The following ACADL variants were observed in gnomAD, a reference collection of about 807,000 sequenced individuals.
The protein encoded by ACADL is long-chain specific acyl-CoA dehydrogenase, mitochondrial.
Under a neutral mutation model 56.9 loss-of-function variants are expected in ACADL, and 60 were observed. The ratio of observed to expected loss-of-function variants is 1.05; its 90% CI spans 0.86 to 1.31. ACADL has a LOEUF of 1.31. Among genes scored for constraint, ACADL ranks in the 50% most tolerant of loss-of-function variants. The pLI is 0.00. For missense variants in ACADL, 484 were observed against 525.5 expected (o/e 0.92, Z 0.77); for synonymous variants, 158 against 179.7 (o/e 0.88, Z 0.97).
intron 10 of ACADL, among the ~76,000 whole-genome samples, chr2:210,192,461 A>T (rs1688648802): frequency 6.6e-6 from 1 of 152,114 alleles, no homozygotes; most frequent in South Asian, 2.1e-4. Flanking sequence ...CTGTACTCCA[A>T]CCTGGGTGAC....
At chr2:210,200,557 T>A (rs1688775586) in intron 8 of ACADL, among the ~76,000 whole-genome samples, 1 of 152,176 alleles carries the variant, frequency 6.6e-6, no homozygotes, top group Non-Finnish European at 1.5e-5. Flanking sequence ...AAGTATAACA[T>A]CCTTGCTCTT....
Position 210,195,210 on chromosome 2 carries a change from C to A in ACADL, c.1112+1G>T, listed in dbSNP as rs748924567. On this transcript the variant is annotated splice_donor_variant, in intron 9 of 10. Coordinates refer to ENST00000233710, the MANE Select transcript of ACADL (RefSeq NM_001608.4). LOFTEE classifies it high-confidence loss of function. ...CACTCTAATTACTGTAGCATGCATA[C>A]CAATATTTCGCCATGCAAGCAGTGG... 4.1e-5 allele frequency: 66 copies of A among 1,613,794 alleles called. No homozygotes were observed. The highest frequency in any genetic ancestry group is 5.6e-5 in the Non-Finnish European group (66 of 1,179,854).
At chr2:210,193,006 A>G in intron 9 of ACADL, 116 bp from the exon 10 acceptor site, 1 of 758,300 alleles carries the variant, frequency 1.3e-6, no homozygotes, top group East Asian at 2.7e-5. Flanking sequence ...TTTATTAAGC[A>G]ATTAGAACGG....
chr2:210,194,947 A>G (rs1688684121), intron 9 of ACADL, among the ~76,000 whole-genome samples: 1 of 152,116 alleles, frequency 6.6e-6, no homozygotes, highest in Non-Finnish European at 1.5e-5. Flanking sequence ...TTAATATTTT[A>G]TTTTCAATAG....
intron 1 of ACADL, among the ~76,000 whole-genome samples, chr2:210,223,587 T>A (rs1689213174): frequency 6.6e-6 from 1 of 152,206 alleles, no homozygotes; most frequent in South Asian, 2.1e-4. Flanking sequence ...GTCTCCCTTT[T>A]TCCAGTGTTC....
rs746996155 is a variant in ACADL at position 210,195,255 on chromosome 2, T to C, written c.1068A>G (p.Glu356=). ...AFVDNCLQLH[E]AKRLDSATAC... is the part of the protein sequence containing the mutation. ...CAGTGGCGGAGTCCAAACGTTTCGC[T>C]TCATGCAGCTGGAGACAGTTGTCCA... Residue 356 remains glutamate, a synonymous_variant, in exon 9 of 11, where the codon GAA becomes GAG. Transcript: ENST00000233710. The C allele has an allele frequency of 1.2e-6, 2 of 1,613,934 alleles. No homozygotes were observed. Among genetic ancestry groups the C allele is most frequent in the Non-Finnish European group, 1.7e-6 (2 of 1,179,928 alleles).
In ACADL at chr2:210,195,341, T is replaced by A; in HGVS notation, c.985-3A>T. 2 of 1,611,508 alleles carry A rather than the reference T, an allele frequency of 1.2e-6. No homozygotes were observed. Among genetic ancestry groups the A allele is most frequent in the Non-Finnish European group, 1.7e-6 (2 of 1,177,694 alleles). On this transcript the variant is annotated splice_polypyrimidine_tract_variant and splice_region_variant and intron_variant, in intron 8 of 10. Coordinates refer to ENST00000233710, the MANE Select transcript of ACADL (RefSeq NM_001608.4). ...TCTGCTAATTTATGTTGCACTGTCT[T>A]GAATTTAAAGGAAATAAAAGAAAAA...
At chr2:210,215,155 T>C (rs1288407836) in intron 4 of ACADL, among the ~76,000 whole-genome samples, 7 of 152,212 alleles carry the variant, frequency 4.6e-5, no homozygotes, top group Admixed American at 4.6e-4. Flanking sequence ...TGCTGCTGTC[T>C]TTAACATAAA....
At chr2:210,209,639 A>G (rs1449111217) in intron 5 of ACADL, 3 of 152,164 alleles carry the variant, frequency 2.0e-5, no homozygotes, top group Non-Finnish European at 4.4e-5. Context: ...CTGGGACCAA[A>G]GGGCACACCA....
chr2:210,199,383 A>C (rs572276733), intron 8 of ACADL, among the ~76,000 whole-genome samples: 8 of 152,200 alleles, frequency 5.3e-5, no homozygotes, highest in Non-Finnish European at 1.2e-4. Flanking sequence ...CTGAAAGTTT[A>C]GGGAACTAAC....
intron 2 of ACADL, 124 bp downstream of exon 2, chr2:210,220,523 C>T: frequency 1.2e-6 from 1 of 825,138 alleles, no homozygotes; most frequent in Non-Finnish European, 2.0e-6. Context: ...CAGTGAAGAG[C>T]AGTAAAAATG....
At chr2:210,219,155 T>C (rs1192578621) in intron 2 of ACADL, among the ~76,000 whole-genome samples, 1 of 152,252 alleles carries the variant, frequency 6.6e-6, no homozygotes, top group Non-Finnish European at 1.5e-5. Flanking sequence ...GCTTTGGAAA[T>C]ATTTTTATTA....
rs971093171 is a variant in ACADL, at chr2:210,218,223, A to G, written c.234-121T>C. 7 of 939,662 alleles carry G rather than the reference A, an allele frequency of 7.4e-6. 1 individual carries two copies. The highest frequency in any genetic ancestry group is 1.1e-5 in the Non-Finnish European group (7 of 610,940). 58.2% of individuals were successfully genotyped at this position (939,662 alleles called of 1,614,324 possible). A position where few individuals can be genotyped will look rare whatever the true frequency, so the allele number is the denominator to read the frequency against. The stretch of plus-strand genomic sequence containing the variant: ...TTCTTAATTTAAGGTAGTTATTTAC[A>G]TTAGCCATATGCTTCTATTTGCCTC... On this transcript the variant is annotated intron_variant, in intron 2 of 10. Coordinates refer to ENST00000233710, the MANE Select transcript of ACADL (RefSeq NM_001608.4).
intron 1 of ACADL, among the ~76,000 whole-genome samples, chr2:210,223,748 C>A (rs547816749): frequency 6.6e-6 from 1 of 152,182 alleles, no homozygotes; most frequent in Admixed American, 6.5e-5. Context: ...ACTCTTTTCA[C>A]TTTTTTTCTG....
At chr2:210,191,563 A>T (rs1688633552) in intron 10 of ACADL, among the ~76,000 whole-genome samples, 1 of 152,214 alleles carries the variant, frequency 6.6e-6, no homozygotes, top group African/African-American at 2.4e-5. Flanking sequence ...TCTGTTCTTA[A>T]TGTAATTTTA....
chr2:210,202,075 A>G (rs894157693), intron 8 of ACADL, among the ~76,000 whole-genome samples: 1 of 151,696 alleles, frequency 6.6e-6, no homozygotes, highest in Non-Finnish European at 1.5e-5. Flanking sequence ...GACTTTCTCT[A>G]TTGTTATTTA....
intron 1 of ACADL, 169 bp downstream of exon 1, chr2:210,225,018 C>T (rs1689245964): frequency 1.0e-6 from 1 of 985,312 alleles, no homozygotes; most frequent in Admixed American, 6.1e-5. Flanking sequence ...TGGTTGCACC[C>T]AGTCCGCGGG....
intron 9 of ACADL, 41 bp from the exon 10 acceptor site, chr2:210,192,931 A>G: frequency 3.4e-6 from 5 of 1,484,592 alleles, no homozygotes; most frequent in Non-Finnish European, 4.7e-6. Flanking sequence ...AATGTTTGAA[A>G]TGGATTTTCA....
chr2:210,202,156 G>A (rs986760287), intron 8 of ACADL, among the ~76,000 whole-genome samples: 19 of 152,006 alleles, frequency 1.2e-4, no homozygotes, highest in African/African-American at 4.4e-4. Context: ...GCAGTGGTGC[G>A]ATCTTGGCTC....
Sources: gnomAD v4.1 joint callset for allele counts (sites outside exome capture counted in the v4.1 genomes callset) on GRCh38, gnomAD v4.1.1 for gene constraint, MANE v1.5 for transcripts, NCBI Gene and HGNC (gene_info 2026-07-23, HGNC 2026-07-21) for gene names.